The following NTSR1 variants were observed in gnomAD, a reference collection of about 807,000 sequenced individuals.
NTSR1 encodes neurotensin receptor 1, also known as neurotensin receptor type 1.
Under a neutral mutation model 31.2 loss-of-function variants are expected in NTSR1, and 29 were observed. That is an observed-to-expected ratio of 0.93 (90% confidence interval 0.69 to 1.27). The LOEUF (loss-of-function observed/expected upper bound fraction) is 1.27, where lower values mean the gene tolerates loss of function less well. Ranked by LOEUF, NTSR1 falls within the 50% of genes most tolerant of loss-of-function variation. The probability of loss-of-function intolerance (pLI) is 0.00; values close to 1 mark genes in which losing one functional copy is unlikely to be tolerated. For synonymous variants in NTSR1, 282 were observed against 269.9 expected (o/e 1.04, Z -0.44); for missense variants, 697 against 595.4 (o/e 1.17, Z -1.78).
chr20:62,754,967 T>G lies in NTSR1; in HGVS notation c.916+81T>G. ...AGCGAGCGCTGAACCACCCCAAGCC[T>G]GGGCAAGGTTTAAAGACATAGGGAT... On this transcript the variant is annotated intron_variant, in intron 2 of 3. Transcript: ENST00000370501. 2.2e-6 allele frequency: 3 copies of G among 1,361,112 alleles called. No individual in the cohort carries two copies. In the South Asian group the frequency reaches 4.2e-5, roughly 19 times the overall value. The allele number at this position is 1,361,112 out of a possible 1,614,324, so 84.3% of individuals were successfully genotyped here. A position where few individuals can be genotyped will look rare whatever the true frequency, so the allele number is the denominator to read the frequency against.
intron 1 of NTSR1, among the ~76,000 whole-genome samples, chr20:62,716,073 A>G (rs1206191548): frequency 3.9e-5 from 6 of 152,218 alleles, no homozygotes; most frequent in Admixed American, 3.9e-4. Flanking sequence ...GTGCTGTTTT[A>G]CCATCTGGAA....
At chr20:62,759,753 A>T (rs374231118) in intron 3 of NTSR1, among the ~76,000 whole-genome samples, 21 of 136,676 alleles carry the variant, frequency 1.5e-4, no homozygotes, top group African/African-American at 2.7e-4. Context: ...CCAGCCTGGG[A>T]GACAGAGCGA....
At chr20:62,723,653 C>T (rs1988859785) in intron 1 of NTSR1, among the ~76,000 whole-genome samples, 1 of 152,232 alleles carries the variant, frequency 6.6e-6, no homozygotes, top group African/African-American at 2.4e-5. Context: ...CACCACTGCC[C>T]TGCCCTGCAC....
intron 1 of NTSR1, among the ~76,000 whole-genome samples, chr20:62,723,882 G>A (rs145477732): frequency 1.3e-5 from 2 of 152,332 alleles, no homozygotes; most frequent in Non-Finnish European, 2.9e-5. Context: ...AGGTGAACAC[G>A]CTGACCCCCT....
rs1420723523 is a variant in NTSR1, at chr20:62,745,646, A to T, written c.715-9039A>T. Among the ~76,000 whole-genome samples the T allele has an allele frequency of 6.6e-6, 1 of 152,208 alleles. No individual in the cohort carries two copies. The highest frequency in any genetic ancestry group is 2.4e-5 in the African/African-American group (1 of 41,438). On this transcript the variant is annotated intron_variant, in intron 1 of 3. Coordinates refer to ENST00000370501, the MANE Select transcript of NTSR1 (RefSeq NM_002531.3). The surrounding 1 kb of genome is among the most constrained non-coding windows in gnomAD (Gnocchi z 4.1). The stretch of plus-strand genomic sequence containing the variant: ...ACAGAGAAAAACACAGAGACATCAC[A>T]GGAGAAAGATACAAAGACAGACAGA...
chr20:62,736,617 C>G (rs920859498), intron 1 of NTSR1, among the ~76,000 whole-genome samples: 1 of 152,214 alleles, frequency 6.6e-6, no homozygotes, highest in African/African-American at 2.4e-5. Flanking sequence ...CTCCGAGGCC[C>G]TGGCCTGTGG....
intron 1 of NTSR1, among the ~76,000 whole-genome samples, chr20:62,710,279 G>C (rs991755960): frequency 1.3e-5 from 2 of 152,234 alleles, no homozygotes; most frequent in African/African-American, 4.8e-5. Context: ...GCCACCAACA[G>C]GTGATGTTCC....
At chr20:62,723,648 C>T (rs958897625) in intron 1 of NTSR1, among the ~76,000 whole-genome samples, 2 of 152,226 alleles carry the variant, frequency 1.3e-5, no homozygotes, top group Admixed American at 1.3e-4. Flanking sequence ...CCCATCACCA[C>T]TGCCCTGCCC....
chr20:62,710,604 G>A (rs530884394), intron 1 of NTSR1, among the ~76,000 whole-genome samples: 10 of 152,242 alleles, frequency 6.6e-5, no homozygotes, highest in South Asian at 4.1e-4. Flanking sequence ...CGGCGGTGTT[G>A]TGGTGAGGTG....
intron 1 of NTSR1, among the ~76,000 whole-genome samples, chr20:62,725,304 G>A (rs1368225182): frequency 1.3e-5 from 2 of 152,270 alleles, no homozygotes; most frequent in Non-Finnish European, 2.9e-5. Context: ...GAAGGAAGAG[G>A]AGCAGGGGTA....
rs556913630 is a variant in NTSR1, at chr20:62,709,443, T to C, written c.236T>C (p.Val79Ala). The C allele has an allele frequency of 6.2e-6, 10 of 1,612,336 alleles. No homozygotes were observed. The highest frequency in any genetic ancestry group is 1.1e-5 in the South Asian group (1 of 91,042). ...VYLALFVVGT[V>A]GNTVTAFTLA... ...CTGGCGCTCTTCGTGGTGGGCACGG[T>C]GGGCAACACGGTGACGGCGTTCACG... Residue 79 changes from valine to alanine, a missense_variant, in exon 1 of 4, where the codon GTG (valine) becomes GCG (alanine). By Grantham distance (64) the Val-to-Ala change is moderately conservative. Transcript: ENST00000370501.
chr20:62,712,092 C>G (rs1230835620), intron 1 of NTSR1, among the ~76,000 whole-genome samples: 1 of 152,196 alleles, frequency 6.6e-6, no homozygotes, highest in Admixed American at 6.5e-5. Flanking sequence ...TCCAGGGCCC[C>G]GATGCCAGCT....
chr20:62,736,139 G>A (rs1989088118), intron 1 of NTSR1, among the ~76,000 whole-genome samples: 1 of 152,240 alleles, frequency 6.6e-6, no homozygotes, highest in Non-Finnish European at 1.5e-5. Flanking sequence ...GCAGGGCCTG[G>A]GTTAGGAGGC....
intron 1 of NTSR1, among the ~76,000 whole-genome samples, chr20:62,739,980 G>A (rs954413959): frequency 6.6e-5 from 10 of 152,214 alleles, no homozygotes; most frequent in Non-Finnish European, 1.2e-4. Flanking sequence ...GCACCGCCTC[G>A]TCCCCAGCTG....
In NTSR1 at chr20:62,750,690, CAA is replaced by C. The variant is rs59850535; in HGVS notation, c.715-3974_715-3973del. On this transcript the variant is annotated intron_variant, in intron 1 of 3. Coordinates refer to ENST00000370501, the MANE Select transcript of NTSR1 (RefSeq NM_002531.3). Reference sequence around the variant, plus strand: ...TGGGCGACAGAGCGAGACTCCGTCTCAAAAAAAAAAAAAAAAAAAAAACAATA... The same window carrying C: ...TGGGCGACAGAGCGAGACTCCGTCTCAAAAAAAAAAAAAAAAAAAACAATA... Among the ~76,000 whole-genome samples the C allele has an allele frequency of 2.9e-4, 16 of 55,152 alleles. 1 individual carries two copies. Among genetic ancestry groups the C allele is most frequent in the Admixed American group, 7.9e-4 (4 of 5,046 alleles). 36.2% of individuals were successfully genotyped at this position (55,152 alleles called of 152,430 possible). A position where few individuals can be genotyped will look rare whatever the true frequency, so the allele number is the denominator to read the frequency against.
chr20:62,732,119 C>A lies in NTSR1; in HGVS notation c.714+22198C>A, dbSNP rs370676384. Reference sequence around the variant, plus strand: ...TGGGCGACAGAGTGAGACTCCATTTCAAAAAAAAAAAAAAAATTACACTGT... The same window carrying A: ...TGGGCGACAGAGTGAGACTCCATTTAAAAAAAAAAAAAAAAATTACACTGT... On this transcript the variant is annotated intron_variant, in intron 1 of 3. Coordinates refer to ENST00000370501, the MANE Select transcript of NTSR1 (RefSeq NM_002531.3). This position sits in a 1 kb window ranked among gnomAD's most constrained non-coding sequence, Gnocchi z 4.0. Among the ~76,000 whole-genome samples, 39 of 145,254 alleles carry A rather than the reference C, an allele frequency of 2.7e-4. No individual in the cohort carries two copies. The highest frequency in any genetic ancestry group is 4.4e-4 in the South Asian group (2 of 4,564).
At chr20:62,759,729 C>A (rs111956194) in intron 3 of NTSR1, among the ~76,000 whole-genome samples, 3 of 146,824 alleles carry the variant, frequency 2.0e-5, no homozygotes, top group African/African-American at 7.5e-5. Flanking sequence ...GAGCCGAGAT[C>A]GCGCCACTGT....
rs377711186 is a variant in NTSR1 at position 62,760,125 on chromosome 20, G to A, written c.1115G>A (p.Arg372His). 1.7e-5 allele frequency: 27 copies of A among 1,613,976 alleles called. No homozygotes were observed. The highest frequency in any genetic ancestry group is 1.6e-4 in the South Asian group (15 of 91,084). Residue 372 changes from arginine to histidine, a missense_variant, in exon 4 of 4, where the codon CGC (arginine) becomes CAC (histidine). Coordinates refer to ENST00000370501, the MANE Select transcript of NTSR1 (RefSeq NM_002531.3). ...ILYNLVSANF[R>H]HIFLATLACL... ...TACAACCTCGTCTCTGCCAACTTCC[G>A]CCACATCTTCCTGGCCACACTGGCC...
chr20:62,710,935 C>T (rs1314376524), intron 1 of NTSR1, among the ~76,000 whole-genome samples: 1 of 152,178 alleles, frequency 6.6e-6, no homozygotes, highest in African/African-American at 2.4e-5. Flanking sequence ...CTCTGCCCAG[C>T]TAGAGGGGCC....
Sources: gnomAD v4.1 joint callset for allele counts (sites outside exome capture counted in the v4.1 genomes callset) on GRCh38, gnomAD v4.1.1 for gene constraint, Gnocchi (gnomAD v3.1) non-coding constraint, MANE v1.5 for transcripts, NCBI Gene and HGNC (gene_info 2026-07-23, HGNC 2026-07-21) for gene names.